The following BMPR1A variants were observed in gnomAD, a reference collection of about 807,000 sequenced individuals.
BMPR1A encodes the protein bone morphogenetic protein receptor type-1A.
BMPR1A carries 7 observed loss-of-function variants against 66.0 expected under a neutral mutation model. That is an observed-to-expected ratio of 0.11 (90% confidence interval 0.06 to 0.20). BMPR1A has a LOEUF of 0.20. Among genes scored for constraint, BMPR1A ranks in the 10% least tolerant of loss-of-function variants. BMPR1A has a pLI of 1.00. For missense variants in BMPR1A, 408 were observed against 669.1 expected, an observed-to-expected ratio of 0.61 and a Z score of 4.31; for synonymous variants, 200 against 229.7, an observed-to-expected ratio of 0.87 and a Z score of 1.17.
intron 1 of BMPR1A, among the ~76,000 whole-genome samples, chr10:86,833,836 G>C (rs1010799320): frequency 7.9e-5 from 12 of 152,282 alleles, no homozygotes; most frequent in East Asian, 5.8e-4. Context: ...TGAGTTACTT[G>C]TGACAAATTG....
Position 86,835,145 on chromosome 10 carries a change from GGATCCTTAGAGCCTGGAAGGT to G in BMPR1A, c.-267-3719_-267-3699del, listed in dbSNP as rs1211536300. 5.3e-5 allele frequency among the ~76,000 whole-genome samples: 8 copies of G among 151,774 alleles called. No individual in the cohort carries two copies. The East Asian group carries it at 1.5e-3, about 29-fold the overall frequency. On this transcript the variant is annotated intron_variant, in intron 1 of 12. Coordinates refer to ENST00000372037, the MANE Select transcript of BMPR1A (RefSeq NM_004329.3). ...GGCTACTTGGGAGGCTAAAGCAGGA[GGATCCTTAGAGCCTGGAAGGT>G]CAAGGCTGCTGTGAGCCATGACCGT...
At chr10:86,889,949 T>C in intron 3 of BMPR1A, 113 bp from the exon 4 acceptor site, 2 of 1,114,306 alleles carry the variant, frequency 1.8e-6, no homozygotes, top group Non-Finnish European at 2.7e-6. Context: ...AGAAACATGC[T>C]AGCTACAATT....
rs1053423400 is a variant in BMPR1A at position 86,912,280 on chromosome 10, C to T, written c.571C>T (p.Arg191Cys). Residue 191 changes from arginine to cysteine, a missense_variant, in exon 8 of 13, where the codon CGT (arginine) becomes TGT (cysteine). Physicochemically the swap from Arg to Cys is radical, Grantham distance 180 (BLOSUM62 -3). This residue lies in a region of BMPR1A where 174 missense variants were observed against 265.1 expected (regional missense o/e 0.66). Coordinates refer to ENST00000372037, the MANE Select transcript of BMPR1A (RefSeq NM_004329.3). ...CATCTCAAGCAGACGTCGTTACAAT[C>T]GTGATTTGGAACAGGATGAAGCATT... is the stretch of plus-strand genomic sequence containing the variant. ...KSISSRRRYNRDLEQDEAFIP... is the reference protein window; with the variant it reads ...KSISSRRRYNCDLEQDEAFIP... 17 of 1,613,740 alleles carry T rather than the reference C, an allele frequency of 1.1e-5. No individual in the cohort carries two copies. The highest frequency in any genetic ancestry group is 3.3e-4 in the Middle Eastern group (2 of 6,050).
chr10:86,770,595 T>C (rs1414276494), intron 1 of BMPR1A, among the ~76,000 whole-genome samples: 2 of 152,152 alleles, frequency 1.3e-5, no homozygotes, highest in Non-Finnish European at 2.9e-5. Flanking sequence ...CTGAGATAGC[T>C]ACTCCAGTCT....
chr10:86,776,470 G>A (rs1378384623), intron 1 of BMPR1A, among the ~76,000 whole-genome samples: 5 of 152,166 alleles, frequency 3.3e-5, no homozygotes, highest in Admixed American at 1.3e-4. Flanking sequence ...AATTTTGTGA[G>A]GCCATGGGCT....
chr10:86,820,626 G>T (rs1463098814), intron 1 of BMPR1A, among the ~76,000 whole-genome samples: 1 of 152,098 alleles, frequency 6.6e-6, no homozygotes, highest in Non-Finnish European at 1.5e-5. Context: ...AAACAAACCA[G>T]CAAAACCTTC....
chr10:86,842,514 T>C (rs1842437684), intron 2 of BMPR1A, among the ~76,000 whole-genome samples: 1 of 152,152 alleles, frequency 6.6e-6, no homozygotes, highest in Admixed American at 6.6e-5. Context: ...AAGGACCTTA[T>C]GAAGAATTTT....
At chr10:86,912,211 A>G (rs1427041852) in intron 7 of BMPR1A, 29 bp from the exon 8 acceptor site, 2 of 1,610,960 alleles carry the variant, frequency 1.2e-6, no homozygotes, top group South Asian at 1.1e-5. Flanking sequence ...TTCATTTTTA[A>G]TGTAGATTGT....
intron 5 of BMPR1A, among the ~76,000 whole-genome samples, chr10:86,892,523 A>G (rs1453735848): frequency 6.6e-6 from 1 of 152,100 alleles, no homozygotes; most frequent in African/African-American, 2.4e-5. Flanking sequence ...GCTCACTGCA[A>G]CCTCAAGCCA....
At chr10:86,853,833 G>A (rs929807720) in intron 2 of BMPR1A, among the ~76,000 whole-genome samples, 1 of 152,194 alleles carries the variant, frequency 6.6e-6, no homozygotes, top group Non-Finnish European at 1.5e-5. Context: ...AATGGAGGCA[G>A]GGCGAGATCA....
intron 1 of BMPR1A, among the ~76,000 whole-genome samples, chr10:86,824,789 T>C (rs567308954): frequency 1.1e-3 from 170 of 152,328 alleles, no homozygotes; most frequent in Admixed American, 2.1e-3. Context: ...GACAGTTTAA[T>C]TGGACTAAAT....
chr10:86,816,095 T>G (rs1842032553), intron 1 of BMPR1A, among the ~76,000 whole-genome samples: 1 of 152,190 alleles, frequency 6.6e-6, no homozygotes, highest in Admixed American at 6.5e-5. Flanking sequence ...ATTGAAATGT[T>G]GGGGTTGTTA....
intron 1 of BMPR1A, among the ~76,000 whole-genome samples, chr10:86,803,040 T>G (rs1841834764): frequency 1.3e-5 from 2 of 151,488 alleles, no homozygotes; most frequent in African/African-American, 4.8e-5. Flanking sequence ...TAAGCCTTTT[T>G]TTACTGCATA....
At chr10:86,830,414 G>A (rs955059426) in intron 1 of BMPR1A, among the ~76,000 whole-genome samples, 1 of 152,206 alleles carries the variant, frequency 6.6e-6, no homozygotes, top group Non-Finnish European at 1.5e-5. Context: ...TGCAGTTGGT[G>A]GCTTACCTGT....
intron 5 of BMPR1A, among the ~76,000 whole-genome samples, chr10:86,893,306 A>G (rs1044436266): frequency 6.6e-6 from 1 of 152,170 alleles, no homozygotes; most frequent in African/African-American, 2.4e-5. Flanking sequence ...CAGCAAAGGA[A>G]TCAGGATGGT....
intron 1 of BMPR1A, among the ~76,000 whole-genome samples, chr10:86,796,690 C>T (rs1236820273): frequency 1.3e-5 from 2 of 151,934 alleles, no homozygotes; most frequent in African/African-American, 4.8e-5. Context: ...AGTGCTTCCA[C>T]CTCAGCCTCC....
intron 1 of BMPR1A, among the ~76,000 whole-genome samples, chr10:86,813,051 G>T (rs1841991775): frequency 6.6e-6 from 1 of 152,024 alleles, no homozygotes. Context: ...CATATAGTTG[G>T]AATTGTAACA....
chr10:86,835,549 C>CCAAAAAAAAA (rs1842332268), intron 1 of BMPR1A, among the ~76,000 whole-genome samples: 1 of 44,326 alleles, frequency 2.3e-5, no homozygotes, highest in Non-Finnish European at 3.9e-5. Context: ...GACTCTGTAT[C>CCAAAAAAAAA]AAAAAAAAAA....
chr10:86,823,839 C>T (rs192368811), intron 1 of BMPR1A, among the ~76,000 whole-genome samples: 11 of 152,272 alleles, frequency 7.2e-5, no homozygotes, highest in Admixed American at 2.6e-4. Context: ...TCAAATCCTG[C>T]GGATCCTTGG....
Sources: gnomAD v4.1 joint callset for allele counts (sites outside exome capture counted in the v4.1 genomes callset) on GRCh38, gnomAD v4.1.1 for gene constraint, gnomAD v4.1.1 regional missense constraint, MANE v1.5 for transcripts, NCBI Gene and HGNC (gene_info 2026-07-23, HGNC 2026-07-21) for gene names.